Variants in SPOCK3 observed in about 807,000 individuals in gnomAD.
SPOCK3 encodes the protein SPARC (osteonectin), cwcv and kazal like domains proteoglycan 3.
A neutral mutation model predicts 56.6 loss-of-function variants in SPOCK3; 30 were observed. That is an observed-to-expected ratio of 0.53 (90% CI 0.40 to 0.72). SPOCK3 has a LOEUF of 0.72. SPOCK3 is among the 30% of genes least tolerant of loss of function. The pLI is 0.00. For synonymous variants in SPOCK3, 196 were observed against 183.3 expected (o/e 1.07, Z -0.56); for missense variants, 527 against 530.0 (o/e 0.99, Z 0.06).
At chr4:166,944,488 T>C (rs886777131) in intron 4 of SPOCK3, among the ~76,000 whole-genome samples, 4 of 152,186 alleles carry the variant, frequency 2.6e-5, no homozygotes, top group African/African-American at 9.6e-5. Context: ...AGTTGACACT[T>C]TTTTTAATGA....
chr4:166,980,518 T>C (rs962154), intron 4 of SPOCK3, among the ~76,000 whole-genome samples: 39,804 of 152,114 alleles, frequency 0.26, 5,414 homozygotes, highest in African/African-American at 0.33. Flanking sequence ...CCACTCAGCC[T>C]GGCAGGCTGT....
intron 6 of SPOCK3, among the ~76,000 whole-genome samples, chr4:166,888,862 A>G (rs1035987787): frequency 2.6e-5 from 4 of 152,010 alleles, no homozygotes; most frequent in African/African-American, 9.7e-5. Context: ...TGTTTATAGA[A>G]TGCATTGGTT....
chr4:166,789,084 A>G (rs551375220), intron 7 of SPOCK3, among the ~76,000 whole-genome samples: 4 of 152,156 alleles, frequency 2.6e-5, no homozygotes, highest in African/African-American at 9.6e-5. Context: ...ATATCTTATC[A>G]GAATATTTTT....
intron 2 of SPOCK3, among the ~76,000 whole-genome samples, chr4:167,066,687 A>G (rs969004798): frequency 6.6e-6 from 1 of 151,876 alleles, no homozygotes; most frequent in Non-Finnish European, 1.5e-5. Context: ...TTATATAACT[A>G]TGCTGTCATA....
In SPOCK3 at chr4:166,805,564, A is replaced by G. The variant is rs558304219; in HGVS notation, c.590-13275T>C. ...AAAAGACAGACAGTAGAGGTTGCAG[A>G]AGGTTAGACAGTAATCAAAAAATGC... On this transcript the variant is annotated intron_variant, in intron 6 of 10. Coordinates refer to ENST00000357545, the MANE Select transcript of SPOCK3 (RefSeq NM_001040159.2). 2.6e-5 allele frequency among the ~76,000 whole-genome samples: 4 copies of G among 152,240 alleles called. No individual in the cohort carries two copies. The South Asian group carries it at 8.3e-4, about 32-fold the overall frequency.
chr4:166,919,955 G>A (rs1275735198), intron 4 of SPOCK3, among the ~76,000 whole-genome samples: 4 of 152,108 alleles, frequency 2.6e-5, no homozygotes, highest in African/African-American at 9.7e-5. Flanking sequence ...TTACATGTAT[G>A]CTGATAGCCT....
intron 5 of SPOCK3, among the ~76,000 whole-genome samples, chr4:166,904,597 A>C (rs1736417009): frequency 6.6e-6 from 1 of 152,064 alleles, no homozygotes; most frequent in Non-Finnish European, 1.5e-5. Context: ...TAGTTGAAAT[A>C]AGCCAGACAC....
chr4:167,178,016 G>T (rs577759198), intron 2 of SPOCK3, among the ~76,000 whole-genome samples: 65 of 152,210 alleles, frequency 4.3e-4, no homozygotes, highest in Non-Finnish European at 6.8e-4. Context: ...CTCACCAAAG[G>T]TCACTCAGCT....
intron 3 of SPOCK3, among the ~76,000 whole-genome samples, chr4:167,027,404 A>T (rs2150173757): frequency 6.6e-6 from 1 of 152,038 alleles, no homozygotes; most frequent in Middle Eastern, 3.4e-3. Context: ...TCCTTTGCTC[A>T]CTAGGTAATG....
At chr4:166,808,542 A>G (rs1743422263) in intron 6 of SPOCK3, among the ~76,000 whole-genome samples, 1 of 151,910 alleles carries the variant, frequency 6.6e-6, no homozygotes, top group South Asian at 2.1e-4. Context: ...AAACTCCCTC[A>G]TGCTGCCTTG....
chr4:167,068,027 C>T (rs887991686), intron 2 of SPOCK3, among the ~76,000 whole-genome samples: 1 of 151,398 alleles, frequency 6.6e-6, no homozygotes, highest in African/African-American at 2.4e-5. Flanking sequence ...TGATCTTGTT[C>T]ACATAACAAT....
chr4:167,181,648 A>G (rs1403754769), intron 2 of SPOCK3, among the ~76,000 whole-genome samples: 4 of 152,204 alleles, frequency 2.6e-5, no homozygotes, highest in African/African-American at 7.2e-5. Context: ...TCAAATTCCC[A>G]TACTCCCAAC....
intron 6 of SPOCK3, among the ~76,000 whole-genome samples, chr4:166,799,480 A>G (rs1560870794): frequency 6.6e-6 from 1 of 152,122 alleles, no homozygotes; most frequent in African/African-American, 2.4e-5. Flanking sequence ...TACTGAGGCT[A>G]CTCTGGAAGG....
intron 2 of SPOCK3, among the ~76,000 whole-genome samples, chr4:167,204,851 G>C (rs1206498127): frequency 6.6e-6 from 1 of 151,020 alleles, no homozygotes; most frequent in Non-Finnish European, 1.5e-5. Flanking sequence ...TAGAAATCGG[G>C]TCTTGCTCTG....
intron 7 of SPOCK3, among the ~76,000 whole-genome samples, chr4:166,771,323 CTT>C (rs924646264): frequency 6.6e-6 from 1 of 151,616 alleles, no homozygotes; most frequent in Non-Finnish European, 1.5e-5. Context: ...TTGTAACACA[CTT>C]TTGTTTATTG....
intron 2 of SPOCK3, among the ~76,000 whole-genome samples, chr4:167,219,818 A>C (rs551618818): frequency 5.9e-5 from 9 of 152,300 alleles, no homozygotes; most frequent in Non-Finnish European, 1.2e-4. Context: ...TCTTCAGTGT[A>C]GCAGCAAATT....
At chr4:166,860,809 A>ATATATATATATATATATATATATG (rs1560943091) in intron 6 of SPOCK3, among the ~76,000 whole-genome samples, 4 of 143,310 alleles carry the variant, frequency 2.8e-5, no homozygotes, top group African/African-American at 7.7e-5. Flanking sequence ...ATTCATATAT[A>ATATATATATATATATATATATATG]TATATATGTA....
intron 2 of SPOCK3, among the ~76,000 whole-genome samples, chr4:167,116,896 CTT>C (rs1483399107): frequency 0.03 from 2,769 of 93,424 alleles, 50 homozygotes; most frequent in Non-Finnish European, 0.044. Context: ...TACATATATA[CTT>C]TTGTGTGTGT....
intron 2 of SPOCK3, among the ~76,000 whole-genome samples, chr4:167,179,947 A>G (rs1731304235): frequency 6.6e-6 from 1 of 152,220 alleles, no homozygotes; most frequent in Non-Finnish European, 1.5e-5. Context: ...TGCCAGGATT[A>G]GTACAGGATG....
Sources: allele counts gnomAD v4.1 joint callset (sites outside exome capture counted in the v4.1 genomes callset), GRCh38; gene constraint gnomAD v4.1.1; transcripts MANE v1.5; gene names NCBI Gene and HGNC (gene_info 2026-07-23, HGNC 2026-07-21).